The following GABRG1 variants were observed in gnomAD, a reference collection of about 807,000 sequenced individuals.
GABRG1 encodes gamma-aminobutyric acid receptor subunit gamma-1.
GABRG1 carries 49 observed loss-of-function variants against 49.8 expected under a neutral mutation model. The observed-to-expected ratio is 0.98, with a 90% confidence interval of 0.78 to 1.25. The LOEUF (loss-of-function observed/expected upper bound fraction) is 1.25. GABRG1 is among the 50% of genes most tolerant of loss of function. The pLI, the probability that GABRG1 is intolerant of heterozygous loss-of-function variation, is 0.00. For synonymous variants in GABRG1, 232 were observed against 185.1 expected, an observed-to-expected ratio of 1.25 and a Z score of -2.06; for missense variants, 552 against 552.3, an observed-to-expected ratio of 1.00 and a Z score of 0.01.
At chr4:46,068,843 C>T (rs2350437) in intron 3 of GABRG1, among the ~76,000 whole-genome samples, 4 of 151,774 alleles carry the variant, frequency 2.6e-5, no homozygotes, top group African/African-American at 9.7e-5. Context: ...AACATAAAAT[C>T]GAACTTCTGT....
At chr4:46,091,260 A>G (rs1719979886) in intron 2 of GABRG1, among the ~76,000 whole-genome samples, 2 of 152,156 alleles carry the variant, frequency 1.3e-5, no homozygotes, top group Middle Eastern at 3.4e-3. Context: ...GCTAGTTCTG[A>G]CCAAATGACA....
intron 3 of GABRG1, among the ~76,000 whole-genome samples, chr4:46,080,632 T>C (rs1360982998): frequency 6.6e-6 from 1 of 151,290 alleles, no homozygotes; most frequent in East Asian, 1.9e-4. Flanking sequence ...AGGAAGATCA[T>C]TGTAAAAGTC....
intron 5 of GABRG1, among the ~76,000 whole-genome samples, chr4:46,058,887 T>C (rs965434192): frequency 2.0e-5 from 3 of 152,048 alleles, no homozygotes; most frequent in South Asian, 2.1e-4. Flanking sequence ...CACCCCAATA[T>C]AGTACTTCCT....
At chr4:46,051,291 G>T in intron 8 of GABRG1, 133 bp downstream of exon 8, 3 of 662,840 alleles carry the variant, frequency 4.5e-6, no homozygotes, top group Non-Finnish European at 7.5e-6. Flanking sequence ...AGGTACTCCA[G>T]TTTCATCTTA....
In GABRG1 at chr4:46,051,582, G is replaced by A; in HGVS notation, c.973C>T (p.Pro325Ser). The change falls in exon 8 of 9, where the codon CCT becomes TCT. Residue 325 changes from proline to serine, a missense_variant. Physicochemically the swap from Pro to Ser is moderately conservative, Grantham distance 74. Transcript: ENST00000295452. The part of the protein sequence containing the change: ...TLSTIARKSL[P>S]KVSYVTAMDL... ...ATCGCAGTCACATAAGAAACCTTAG[G>A]TAAAGACTTCCTGGCAATTGTACTC... is the stretch of plus-strand genomic sequence containing the variant. 5 of 1,611,406 alleles carry A rather than the reference G, an allele frequency of 3.1e-6. No homozygotes were observed. Among genetic ancestry groups the A allele is most frequent in the Non-Finnish European group, 3.4e-6 (4 of 1,178,386 alleles).
intron 1 of GABRG1, among the ~76,000 whole-genome samples, chr4:46,121,014 G>C (rs868195784): frequency 3.3e-5 from 5 of 151,766 alleles, no homozygotes; most frequent in Non-Finnish European, 5.9e-5. Flanking sequence ...GTCTCCTAGA[G>C]AATGATACAC....
In GABRG1 at chr4:46,037,458, A is replaced by G. The variant is rs1717575211; in HGVS notation, c.*3530T>C. On this transcript the variant is annotated 3_prime_UTR_variant, in exon 9 of 9. Transcript: ENST00000295452. ...GAAATACCAAGTATGTCTTGCCATCATACGGTACAGCACTGAGAAGCTGAA... is the reference window on the plus strand; with the variant it reads ...GAAATACCAAGTATGTCTTGCCATCGTACGGTACAGCACTGAGAAGCTGAA... 1 of 151,770 alleles carries G rather than the reference A, an allele frequency of 6.6e-6. No individual in the cohort carries two copies. The highest frequency in any genetic ancestry group is 1.5e-5 in the Non-Finnish European group (1 of 67,844). 9.4% of individuals were successfully genotyped at this position (151,770 alleles called of 1,614,324 possible). A position where few individuals can be genotyped will look rare whatever the true frequency, so the allele number is the denominator to read the frequency against.
intron 3 of GABRG1, 71 bp downstream of exon 3, chr4:46,083,915 G>T: frequency 3.7e-6 from 3 of 818,844 alleles, no homozygotes; most frequent in Non-Finnish European, 6.1e-6. Flanking sequence ...TTACTCACAT[G>T]CGAATTCTAT....
At chr4:46,041,308 A>C in intron 8 of GABRG1, 54 bp from the exon 9 acceptor site, 1 of 1,565,818 alleles carries the variant, frequency 6.4e-7, no homozygotes, top group South Asian at 1.2e-5. Flanking sequence ...ATAAGGAAAG[A>C]TCAATTTGCT....
chr4:46,103,422 G>C (rs934373835), intron 1 of GABRG1, among the ~76,000 whole-genome samples: 6 of 151,384 alleles, frequency 4.0e-5, no homozygotes, highest in Non-Finnish European at 8.9e-5. Flanking sequence ...TTCTGGGTTA[G>C]TTAGTTGGTC....
At chr4:46,108,453 A>G (rs1720624498) in intron 1 of GABRG1, among the ~76,000 whole-genome samples, 1 of 151,146 alleles carries the variant, frequency 6.6e-6, no homozygotes, top group Admixed American at 6.6e-5. Flanking sequence ...CAAAATGTTG[A>G]CTTTCTGTTC....
In GABRG1 at chr4:46,048,171, TA is replaced by T. The variant is rs1378346406; in HGVS notation, c.1131+3252del. On this transcript the variant is annotated intron_variant, in intron 8 of 8. Transcript: ENST00000295452. Reference sequence around the variant, plus strand: ...ATTACTAGTGGCTTTATCTGTTGCATAAAATGTCTTGATTCCATAGTTCAAC... The same window carrying T: ...ATTACTAGTGGCTTTATCTGTTGCATAAATGTCTTGATTCCATAGTTCAAC... Among the ~76,000 whole-genome samples the T allele has an allele frequency of 3.0e-4, 46 of 152,040 alleles. 1 individual carries two copies. Among genetic ancestry groups the T allele is most frequent in the Admixed American group, 3.0e-3 (46 of 15,208 alleles).
At chr4:46,044,708 T>C (rs965844318) in intron 8 of GABRG1, among the ~76,000 whole-genome samples, 2 of 151,988 alleles carry the variant, frequency 1.3e-5, no homozygotes, top group Non-Finnish European at 2.9e-5. Context: ...GAGTAATGAA[T>C]AGAATGGAAA....
intron 1 of GABRG1, among the ~76,000 whole-genome samples, chr4:46,112,014 T>C (rs1720733142): frequency 6.6e-6 from 1 of 151,326 alleles, no homozygotes; most frequent in Non-Finnish European, 1.5e-5. Flanking sequence ...ACTGAAGAGC[T>C]TCTGCAGAGC....
In GABRG1 at chr4:46,040,819, A is replaced by C; in HGVS notation, c.*169T>G. On this transcript the variant is annotated 3_prime_UTR_variant, in exon 9 of 9. Transcript: ENST00000295452. ...AATCAGTTTCACGTAAATTAGCCTGAAAGCTGCTACTTTATTTACTTCTGA... is the reference window on the plus strand; with the variant it reads ...AATCAGTTTCACGTAAATTAGCCTGCAAGCTGCTACTTTATTTACTTCTGA... The C allele has an allele frequency of 1.7e-6, 1 of 596,462 alleles. No individual in the cohort carries two copies. The highest frequency in any genetic ancestry group is 2.7e-6 in the Non-Finnish European group (1 of 367,898). 36.9% of individuals were successfully genotyped at this position (596,462 alleles called of 1,614,324 possible).
In GABRG1 at chr4:46,058,250, T is replaced by C; in HGVS notation, c.883A>G (p.Asn295Asp). 6.2e-7 allele frequency: 1 copy of C among 1,613,226 alleles called. No individual in the cohort carries two copies. Among genetic ancestry groups the C allele is most frequent in the Non-Finnish European group, 8.5e-7 (1 of 1,179,528 alleles). Residue 295 changes from asparagine to aspartate, a missense_variant, in exon 7 of 9, where the codon AAT becomes GAT. Asn to Asp is a conservative substitution (Grantham distance 23, BLOSUM62 1). Coordinates refer to ENST00000295452, the MANE Select transcript of GABRG1 (RefSeq NM_173536.4). The part of the protein sequence containing the change: ...VVLSWVSFWI[N>D]KDAVPARTSL... ...GTTCTTGCAGGCACTGCATCTTTAT[T>C]GATCCAAAAAGACACCCAAGAAAGA...
Position 46,038,558 on chromosome 4 carries a change from A to T in GABRG1, c.*2430T>A, listed in dbSNP as rs190327267. 21 of 151,684 alleles carry T rather than the reference A, an allele frequency of 1.4e-4. No homozygotes were observed. The highest frequency in any genetic ancestry group is 3.4e-3 in the Middle Eastern group (1 of 294). The allele number at this position is 151,684 out of a possible 1,614,324, so 9.4% of individuals were successfully genotyped here. A position where few individuals can be genotyped will look rare whatever the true frequency, so the allele number is the denominator to read the frequency against. The stretch of plus-strand genomic sequence containing the variant: ...CCCCAGAGAAAGAGGAAGATTTTTT[A>T]AAAAAATTATTTCTCAAGGTGGTGA... On this transcript the variant is annotated 3_prime_UTR_variant, in exon 9 of 9. Coordinates refer to ENST00000295452, the MANE Select transcript of GABRG1 (RefSeq NM_173536.4).
intron 5 of GABRG1, among the ~76,000 whole-genome samples, chr4:46,060,001 T>A (rs1344043271): frequency 6.6e-6 from 1 of 152,178 alleles, no homozygotes; most frequent in East Asian, 1.9e-4. Context: ...ATACTAGTCC[T>A]TTGTTAAGGA....
At chr4:46,123,101 A>AACACACAC (rs34086673) in intron 1 of GABRG1, among the ~76,000 whole-genome samples, 1,536 of 129,544 alleles carry the variant, frequency 0.012, 4 homozygotes, top group Non-Finnish European at 0.015. Flanking sequence ...CATACACACA[A>AACACACAC]ACACACACAC....
Sources: gnomAD v4.1 joint callset for allele counts (sites outside exome capture counted in the v4.1 genomes callset) on GRCh38, gnomAD v4.1.1 for gene constraint, MANE v1.5 for transcripts, NCBI Gene and HGNC (gene_info 2026-07-23, HGNC 2026-07-21) for gene names.